ITGA5: variants seen among roughly 807,000 people sequenced by gnomAD.
ITGA5 encodes integrin subunit alpha 5.
A neutral mutation model predicts 146.3 loss-of-function variants in ITGA5; 55 were observed. The observed-to-expected ratio is 0.38, with a 90% CI of 0.30 to 0.47. The LOEUF (loss-of-function observed/expected upper bound fraction) is 0.47, where lower values mean the gene tolerates loss of function less well. Ranked by LOEUF, ITGA5 falls within the 20% of genes least tolerant of loss-of-function variation. The probability of loss-of-function intolerance (pLI) is 0.99; values close to 1 mark genes in which losing one functional copy is unlikely to be tolerated. For missense variants in ITGA5, 1,131 were observed against 1,329.0 expected, an observed-to-expected ratio of 0.85 and a Z score of 2.32; for synonymous variants, 500 against 531.8, an observed-to-expected ratio of 0.94 and a Z score of 0.82.
intron 9 of ITGA5, among the ~76,000 whole-genome samples, chr12:54,407,111 T>C (rs968207690): frequency 5.3e-5 from 8 of 152,240 alleles, no homozygotes; most frequent in African/African-American, 1.9e-4. Context: ...CCTGATGCAC[T>C]GAGTAGAGAA....
chr12:54,400,209 C>T, intron 25 of ITGA5: 1 of 479,306 alleles, frequency 2.1e-6, no homozygotes, highest in Non-Finnish European at 3.8e-6. Flanking sequence ...TGGATGTTCC[C>T]TTGGTTTGGA....
At position 54,408,167 on chromosome 12, in the gene ITGA5, C is replaced by T. The variant is rs772042372; in HGVS notation, c.760G>A (p.Val254Ile). The T allele has an allele frequency of 1.2e-6, 2 of 1,614,160 alleles. No individual in the cohort carries two copies. The highest frequency in any genetic ancestry group is 2.2e-5 in the South Asian group (2 of 91,088). The change falls in exon 7 of 30, where the codon GTT (valine) becomes ATT (isoleucine). Residue 254 changes from valine to isoleucine, a missense_variant. This residue lies in a region of ITGA5 where 889 missense variants were observed against 1,021.5 expected (regional missense o/e 0.87). Coordinates refer to ENST00000293379, the MANE Select transcript of ITGA5 (RefSeq NM_002205.5). The part of the protein sequence containing the change: ...SYYPEYLINL[V>I]QGQLQTRQAS... ...TGGCGAGTCTGCAGCTGCCCCTGAA[C>T]CAGGTTGATCAGGTACTCGGGGTAA... is the stretch of plus-strand genomic sequence containing the variant.
In ITGA5 at chr12:54,418,203, A is replaced by AC. The variant is rs1291071736; in HGVS notation, c.218+777dup. Among the ~76,000 whole-genome samples the AC allele has an allele frequency of 4.1e-5, 6 of 144,780 alleles. No individual in the cohort carries two copies. In the South Asian group the frequency reaches 9.3e-4, roughly 22 times the overall value. The allele number at this position is 144,780 out of a possible 152,430, so 95.0% of individuals were successfully genotyped here. ...AGCCAGAGGAAGAGGGAAACCGCCC[A>AC]CCCCCCTTCACGCGCGCACACACCC... On this transcript the variant is annotated intron_variant, in intron 1 of 29. Coordinates refer to ENST00000293379, the MANE Select transcript of ITGA5 (RefSeq NM_002205.5).
chr12:54,399,125 G>C (rs1955752872), intron 27 of ITGA5, among the ~76,000 whole-genome samples: 1 of 152,178 alleles, frequency 6.6e-6, no homozygotes, highest in Non-Finnish European at 1.5e-5. Context: ...GGGATTACTG[G>C]TGTGAGCCAC....
chr12:54,401,302 C>T lies in ITGA5; in HGVS notation c.2493+71G>A. 1 of 1,147,532 alleles carries T rather than the reference C, an allele frequency of 8.7e-7. No individual in the cohort carries two copies. Among genetic ancestry groups the T allele is most frequent in the Non-Finnish European group, 1.3e-6 (1 of 757,692 alleles). 71.1% of individuals were successfully genotyped at this position (1,147,532 alleles called of 1,614,324 possible). On this transcript the variant is annotated intron_variant, in intron 24 of 29. Coordinates refer to ENST00000293379, the MANE Select transcript of ITGA5 (RefSeq NM_002205.5). This position sits in a 1 kb window ranked among gnomAD's most constrained non-coding sequence, Gnocchi z 5.0. ...TTCTCTCAGTCCCTCACATGGGTTC[C>T]AGCCATCTGTCACTCATATTAGCTC...
intron 1 of ITGA5, among the ~76,000 whole-genome samples, chr12:54,417,518 GAAC>G (rs1359421876): frequency 1.3e-5 from 2 of 151,988 alleles, no homozygotes; most frequent in East Asian, 3.9e-4. Flanking sequence ...GAATAGCCCA[GAAC>G]AACAGTCGGG....
chr12:54,399,173 A>G (rs1391752740), intron 27 of ITGA5, among the ~76,000 whole-genome samples: 1 of 152,006 alleles, frequency 6.6e-6, no homozygotes, highest in African/African-American at 2.4e-5. Flanking sequence ...TGTTCCTTAT[A>G]TGAGATAATA....
chr12:54,411,168 G>C (rs1258696615), intron 2 of ITGA5, among the ~76,000 whole-genome samples: 1 of 152,186 alleles, frequency 6.6e-6, no homozygotes, highest in Non-Finnish European at 1.5e-5. Context: ...AGCCTGTCCA[G>C]TTTTTATTTC....
In ITGA5 at chr12:54,399,918, CTGG is replaced by C; in HGVS notation, c.2670_2672del (p.His890del). On this transcript the variant is annotated inframe_deletion, in exon 26 of 30. Coordinates refer to ENST00000293379, the MANE Select transcript of ITGA5 (RefSeq NM_002205.5). ...TGCGGCTTGGAGCTTCCCGTTTTTG[CTGG>C]TGGTGCAGGGAACCCTCGGGATCCA... 1 of 1,614,078 alleles carries C rather than the reference CTGG, an allele frequency of 6.2e-7. No individual in the cohort carries two copies.
Position 54,401,930 on chromosome 12 carries a change from C to T in ITGA5, c.2226+71G>A. 2.5e-6 allele frequency: 4 copies of T among 1,596,058 alleles called. No homozygotes were observed. Among genetic ancestry groups the T allele is most frequent in the Non-Finnish European group, 3.4e-6 (4 of 1,163,754 alleles). ...CCTCCCTCCGCACCTCACAGCTGTG[C>T]TCTCGGCTGGCTGGTTACCGCCCTC... On this transcript the variant is annotated intron_variant, in intron 21 of 29. Coordinates refer to ENST00000293379, the MANE Select transcript of ITGA5 (RefSeq NM_002205.5). This position sits in a 1 kb window ranked among gnomAD's most constrained non-coding sequence, Gnocchi z 5.0.
At chr12:54,405,991 G>A in intron 9 of ITGA5, 65 bp from the exon 10 acceptor site, 1 of 1,413,552 alleles carries the variant, frequency 7.1e-7, no homozygotes, top group Non-Finnish European at 1.0e-6. Flanking sequence ...TTAAAGAACA[G>A]ATGTGTACAG....
chr12:54,398,053 A>T (rs2120461730), intron 28 of ITGA5, among the ~76,000 whole-genome samples: 1 of 152,102 alleles, frequency 6.6e-6, no homozygotes, highest in Middle Eastern at 3.4e-3. Context: ...ATGCGCCACC[A>T]CATCTGGCTA....
Position 54,409,765 on chromosome 12 carries a change from C to G in ITGA5, c.350-168G>C, listed in dbSNP as rs1231816188. 3 of 591,136 alleles carry G rather than the reference C, an allele frequency of 5.1e-6. No homozygotes were observed. The highest frequency in any genetic ancestry group is 6.0e-6 in the Non-Finnish European group (2 of 331,370). 36.6% of individuals were successfully genotyped at this position (591,136 alleles called of 1,614,324 possible). A position where few individuals can be genotyped will look rare whatever the true frequency, so the allele number is the denominator to read the frequency against. Reference sequence around the variant, plus strand: ...GGAGCTTAATTCTGCTTTGTGTAGTCTGTTTGTGTAGCCTGACTTATCTCT... The same window carrying G: ...GGAGCTTAATTCTGCTTTGTGTAGTGTGTTTGTGTAGCCTGACTTATCTCT... On this transcript the variant is annotated intron_variant, in intron 2 of 29. Transcript: ENST00000293379. The surrounding 1 kb of genome is among the most constrained non-coding windows in gnomAD (Gnocchi z 4.7).
intron 29 of ITGA5, 60 bp downstream of exon 29, chr12:54,397,305 C>A (rs1955723424): frequency 6.2e-7 from 1 of 1,601,172 alleles, no homozygotes. Context: ...TGGGACTGTG[C>A]CAGGTCAAGG....
chr12:54,405,748 G>T (rs2120518439), intron 10 of ITGA5, 32 bp from the exon 11 acceptor site: 1 of 1,612,340 alleles, frequency 6.2e-7, no homozygotes, highest in Non-Finnish European at 8.5e-7. Flanking sequence ...CGCTGGGTCA[G>T]AACTAGAAGG....
At position 54,405,330 on chromosome 12, in the gene ITGA5, G is replaced by T. The variant is rs1276822907; in HGVS notation, c.1061C>A (p.Thr354Asn). The T allele has an allele frequency of 1.9e-6, 3 of 1,612,356 alleles. No individual in the cohort carries two copies. The highest frequency in any genetic ancestry group is 3.7e-4 in the Middle Eastern group (2 of 5,400). Reference sequence around the variant, plus strand: ...CACCTCCTGAGGCCGCCCGTCAGGGGTCCGATCCATGAGCAGGGGTGCCCC... The same window carrying T: ...CACCTCCTGAGGCCGCCCGTCAGGGTTCCGATCCATGAGCAGGGGTGCCCC... ...LVGAPLLMDRTPDGRPQEVGR... is the reference protein window; with the variant it reads ...LVGAPLLMDRNPDGRPQEVGR... Residue 354 changes from threonine (T) to asparagine (N), a missense_variant, in exon 12 of 30, where the codon ACC (threonine) becomes AAC (asparagine). Thr to Asn is a moderately conservative substitution (Grantham distance 65). Coordinates refer to ENST00000293379, the MANE Select transcript of ITGA5 (RefSeq NM_002205.5).
chr12:54,396,266 G>A lies in ITGA5; in HGVS notation c.*27C>T, dbSNP rs765400473. 5.1e-6 allele frequency: 8 copies of A among 1,573,604 alleles called. No individual in the cohort carries two copies. Among genetic ancestry groups the A allele is most frequent in the Non-Finnish European group, 7.0e-6 (8 of 1,143,742 alleles). On this transcript the variant is annotated 3_prime_UTR_variant, in exon 30 of 30. Coordinates refer to ENST00000293379, the MANE Select transcript of ITGA5 (RefSeq NM_002205.5). Reference sequence around the variant, plus strand: ...TGAGGGTGGGGGGACTGGTTCTTCAGGAATGGGAGTCTGAAATTGGGAGGA... The same window carrying A: ...TGAGGGTGGGGGGACTGGTTCTTCAAGAATGGGAGTCTGAAATTGGGAGGA...
intron 15 of ITGA5, 87 bp from the exon 16 acceptor site, chr12:54,404,053 G>A (rs958845708): frequency 6.4e-7 from 1 of 1,567,242 alleles, no homozygotes; most frequent in African/African-American, 1.4e-5. Flanking sequence ...ACCCAGACTA[G>A]GACACCACCA....
At chr12:54,411,781 C>T (rs114899876) in intron 2 of ITGA5, 53 bp downstream of exon 2, 23 of 1,379,550 alleles carry the variant, frequency 1.7e-5, no homozygotes, top group African/African-American at 1.2e-4. Flanking sequence ...CCAGGCCTTG[C>T]CCCCAGGCTG....
Sources: gnomAD v4.1 joint callset for allele counts (sites outside exome capture counted in the v4.1 genomes callset) on GRCh38, gnomAD v4.1.1 for gene constraint, gnomAD v4.1.1 regional missense constraint, Gnocchi (gnomAD v3.1) non-coding constraint, MANE v1.5 for transcripts, NCBI Gene and HGNC (gene_info 2026-07-23, HGNC 2026-07-21) for gene names.